Variants in RBFOX1 observed in about 807,000 individuals in gnomAD.
RBFOX1 encodes the protein RNA binding protein fox-1 homolog 1.
A neutral mutation model predicts 57.7 loss-of-function variants in RBFOX1; 8 were observed. The observed-to-expected ratio is 0.14, with a 90% CI of 0.08 to 0.25. The LOEUF is 0.25. RBFOX1 is among the 10% of genes least tolerant of loss of function. The probability of loss-of-function intolerance (pLI) is 1.00; values close to 1 mark genes in which losing one functional copy is unlikely to be tolerated. For synonymous variants in RBFOX1, 326 were observed against 222.4 expected (o/e 1.47, Z -4.15); for missense variants, 611 against 548.5 (o/e 1.11, Z -1.14).
chr16:5,475,839 A>G (rs918425108), intron 2 of RBFOX1, among the ~76,000 whole-genome samples: 3 of 152,068 alleles, frequency 2.0e-5, no homozygotes, highest in Non-Finnish European at 4.4e-5. Context: ...TTGCTATGTT[A>G]TCCAGGCCGA....
intron 1 of RBFOX1, among the ~76,000 whole-genome samples, chr16:6,062,312 G>T (rs540183731): frequency 1.3e-3 from 202 of 152,062 alleles, no homozygotes; most frequent in South Asian, 3.3e-3. Context: ...CTCTCAAGAG[G>T]TCAAGAGGTA....
intron 2 of RBFOX1, among the ~76,000 whole-genome samples, chr16:6,362,335 G>A (rs1047519544): frequency 2.6e-5 from 4 of 152,098 alleles, no homozygotes; most frequent in South Asian, 2.1e-4. Flanking sequence ...GTAACCAAAG[G>A]CAAACATCTT....
chr16:6,936,635 A>T (rs2077408649), intron 3 of RBFOX1, among the ~76,000 whole-genome samples: 1 of 152,176 alleles, frequency 6.6e-6, no homozygotes, highest in African/African-American at 2.4e-5. Context: ...AAGCACTATA[A>T]GGTAATTATG....
At chr16:5,691,832 TC>T (rs2050689468) in intron 3 of RBFOX1, among the ~76,000 whole-genome samples, 1 of 152,154 alleles carries the variant, frequency 6.6e-6, no homozygotes, top group African/African-American at 2.4e-5. Flanking sequence ...TCTGAGACTG[TC>T]CCACAAATAG....
intron 2 of RBFOX1, among the ~76,000 whole-genome samples, chr16:5,579,464 C>A (rs1311538442): frequency 1.3e-5 from 2 of 152,116 alleles, no homozygotes; most frequent in African/African-American, 4.8e-5. Context: ...CTCGTAGAAT[C>A]CAGCCCCAGC....
intron 1 of RBFOX1, among the ~76,000 whole-genome samples, chr16:6,065,493 C>A (rs112142755): frequency 1.3e-5 from 2 of 152,128 alleles, no homozygotes; most frequent in Non-Finnish European, 2.9e-5. Context: ...TATATCATTG[C>A]GGTTTCCACT....
intron 1 of RBFOX1, among the ~76,000 whole-genome samples, chr16:5,460,859 C>T (rs1280389221): frequency 6.6e-6 from 1 of 152,164 alleles, no homozygotes; most frequent in Admixed American, 6.5e-5. Flanking sequence ...GAGCGGAGCA[C>T]ATCACCTGGC....
intron 4 of RBFOX1, among the ~76,000 whole-genome samples, chr16:7,312,639 G>T (rs2096342860): frequency 6.6e-6 from 1 of 152,086 alleles, no homozygotes; most frequent in Non-Finnish European, 1.5e-5. Flanking sequence ...TCACTGGATT[G>T]TAATATGGCT....
At chr16:7,690,195 A>G (rs879243014) in intron 14 of RBFOX1, among the ~76,000 whole-genome samples, 2 of 152,134 alleles carry the variant, frequency 1.3e-5, no homozygotes, top group East Asian at 3.9e-4. Context: ...CAATTAAAGC[A>G]GAAACCTCAG....
chr16:6,907,984 G>T (rs1237406477), intron 3 of RBFOX1, among the ~76,000 whole-genome samples: 1 of 151,622 alleles, frequency 6.6e-6, no homozygotes, highest in Non-Finnish European at 1.5e-5. Context: ...GGATGTCTCT[G>T]TGTCTCTATT....
At chr16:6,226,255 C>G (rs184892618) in intron 1 of RBFOX1, among the ~76,000 whole-genome samples, 133 of 150,674 alleles carry the variant, frequency 8.8e-4, no homozygotes, top group Non-Finnish European at 1.5e-3. Flanking sequence ...TGCCTGTAAT[C>G]CCAGGTACTC....
chr16:5,583,434 T>A (rs963248211), intron 2 of RBFOX1, among the ~76,000 whole-genome samples: 2 of 152,216 alleles, frequency 1.3e-5, no homozygotes, highest in African/African-American at 4.8e-5. Flanking sequence ...TGCGTTCAAA[T>A]AAGTCAAACG....
chr16:7,103,475 A>G (rs752803806), intron 4 of RBFOX1, among the ~76,000 whole-genome samples: 1 of 152,198 alleles, frequency 6.6e-6, no homozygotes, highest in East Asian at 1.9e-4. Flanking sequence ...AATACAGTAT[A>G]TGAATTGGTA....
intron 3 of RBFOX1, among the ~76,000 whole-genome samples, chr16:5,791,556 G>A (rs996199441): frequency 3.3e-5 from 5 of 152,134 alleles, no homozygotes; most frequent in Non-Finnish European, 5.9e-5. Context: ...GCACACAAAA[G>A]TCTGTGTGGG....
At chr16:6,444,559 T>C (rs116661270) in intron 2 of RBFOX1, among the ~76,000 whole-genome samples, 2,887 of 152,298 alleles carry the variant, frequency 0.019, 92 homozygotes, top group African/African-American at 0.065. Context: ...ATGTAAGACG[T>C]GACTTATTCC....
At chr16:6,328,774 C>A (rs1447786374) in intron 2 of RBFOX1, among the ~76,000 whole-genome samples, 1 of 152,052 alleles carries the variant, frequency 6.6e-6, no homozygotes, top group Non-Finnish European at 1.5e-5. Context: ...TAGGGATAAA[C>A]CTTTTACTAT....
intron 4 of RBFOX1, among the ~76,000 whole-genome samples, chr16:7,417,177 C>T (rs1457427158): frequency 2.0e-5 from 3 of 151,970 alleles, no homozygotes; most frequent in Non-Finnish European, 4.4e-5. Flanking sequence ...TGAGACCATC[C>T]TGGCCAACAT....
At chr16:6,093,599 G>T (rs980983380) in intron 1 of RBFOX1, among the ~76,000 whole-genome samples, 1 of 151,946 alleles carries the variant, frequency 6.6e-6, no homozygotes, top group African/African-American at 2.4e-5. Flanking sequence ...AAGGGCATGG[G>T]ACGGTCTGTG....
chr16:6,584,749 A>C (rs1023544823), intron 2 of RBFOX1, among the ~76,000 whole-genome samples: 15 of 152,214 alleles, frequency 9.9e-5, no homozygotes, highest in Admixed American at 7.9e-4. Context: ...GAAGATGTGA[A>C]TTGCCACCCA....
Sources: gnomAD v4.1 joint callset for allele counts (sites outside exome capture counted in the v4.1 genomes callset) on GRCh38, gnomAD v4.1.1 for gene constraint, MANE v1.5 for transcripts, NCBI Gene and HGNC (gene_info 2026-07-23, HGNC 2026-07-21) for gene names.